Variants in GRM7 observed in about 807,000 individuals in gnomAD.
GRM7 encodes glutamate metabotropic receptor 7, also known as metabotropic glutamate receptor 7.
In GRM7, 35 loss-of-function variants were observed where a neutral mutation model predicts 84.5. The ratio of observed to expected loss-of-function variants is 0.41; its 90% CI spans 0.32 to 0.55. The LOEUF (loss-of-function observed/expected upper bound fraction) is 0.55. Ranked by LOEUF, GRM7 falls within the 20% of genes least tolerant of loss-of-function variation. The pLI is 0.19. For synonymous variants in GRM7, 487 were observed against 455.1 expected, an observed-to-expected ratio of 1.07 and a Z score of -0.89; for missense variants, 1,003 against 1,194.6, an observed-to-expected ratio of 0.84 and a Z score of 2.36.
chr3:7,533,678 T>C (rs1266764020), intron 7 of GRM7, among the ~76,000 whole-genome samples: 2 of 152,180 alleles, frequency 1.3e-5, no homozygotes, highest in Non-Finnish European at 2.9e-5. Context: ...ATTTACTGAA[T>C]GTCTGTTTAG....
chr3:7,409,588 GT>G (rs1695830648), intron 4 of GRM7, among the ~76,000 whole-genome samples: 2 of 72,610 alleles, frequency 2.8e-5, no homozygotes, highest in South Asian at 3.1e-4. Flanking sequence ...GTTTTGTTTT[GT>G]TTTGTTTTGT....
intron 2 of GRM7, among the ~76,000 whole-genome samples, chr3:7,292,423 T>C (rs1052230695): frequency 3.3e-5 from 5 of 152,180 alleles, no homozygotes; most frequent in African/African-American, 1.2e-4. Flanking sequence ...TATTGAAAGA[T>C]GAAAACCTCA....
chr3:7,282,339 T>A (rs1699281741), intron 2 of GRM7, among the ~76,000 whole-genome samples: 1 of 152,160 alleles, frequency 6.6e-6, no homozygotes, highest in South Asian at 2.1e-4. Context: ...TCGAAACTCT[T>A]GAGAATTATT....
chr3:7,267,173 A>G (rs956858825), intron 2 of GRM7, among the ~76,000 whole-genome samples: 4 of 152,232 alleles, frequency 2.6e-5, no homozygotes, highest in Admixed American at 6.5e-5. Context: ...ATCGAAGTTC[A>G]CTGATTGATA....
chr3:6,885,229 C>T (rs1365831356), intron 1 of GRM7, among the ~76,000 whole-genome samples: 1 of 152,190 alleles, frequency 6.6e-6, no homozygotes, highest in Non-Finnish European at 1.5e-5. Context: ...CAGTAGCCTA[C>T]AGCAGCCGCA....
intron 2 of GRM7, among the ~76,000 whole-genome samples, chr3:7,234,572 A>G (rs1697290770): frequency 6.6e-6 from 1 of 152,218 alleles, no homozygotes; most frequent in South Asian, 2.1e-4. Context: ...TAGCACATGT[A>G]TCATCTGTCT....
intron 1 of GRM7, among the ~76,000 whole-genome samples, chr3:7,002,909 A>T (rs1453148446): frequency 6.6e-6 from 1 of 152,206 alleles, no homozygotes. Flanking sequence ...TACAGCCTTA[A>T]AAAAGAAGAA....
Position 7,268,993 on chromosome 3 carries a change from ATG to A in GRM7, c.737-29687_737-29686del, listed in dbSNP as rs1158033977. 2.6e-5 allele frequency among the ~76,000 whole-genome samples: 4 copies of A among 152,076 alleles called. No individual in the cohort carries two copies. The East Asian group carries it at 7.7e-4, about 29-fold the overall frequency. On this transcript the variant is annotated intron_variant, in intron 2 of 9. Coordinates refer to ENST00000357716, the MANE Select transcript of GRM7 (RefSeq NM_000844.4). ...GTCAGTAGACCCTCCATCAGACAGA[ATG>A]TGTTTGCATGTCTTTAGACAAGAAT...
intron 1 of GRM7, among the ~76,000 whole-genome samples, chr3:7,093,690 AAAAAAAAAAAAAAAAAAAAAAAAAG>A (rs901728361): frequency 3.9e-5 from 4 of 103,082 alleles, no homozygotes; most frequent in African/African-American, 7.7e-5. Flanking sequence ...AAAAAAAAAA[AAAAAAAAAAAAAAAAAAAAAAAAAG>A]GTAGTTAGTG....
chr3:6,869,687 G>A lies in GRM7; in HGVS notation c.519+7780G>A, dbSNP rs572941490. Among the ~76,000 whole-genome samples, 10 of 152,166 alleles carry A rather than the reference G, an allele frequency of 6.6e-5. 1 individual carries two copies. The East Asian group carries it at 1.9e-3, about 29-fold the overall frequency. On this transcript the variant is annotated intron_variant, in intron 1 of 9. Coordinates refer to ENST00000357716, the MANE Select transcript of GRM7 (RefSeq NM_000844.4). ...AGAGTGAGAGATAACACACACACACGTGCACAGAGAGAACATTTTAGTGAC... is the reference window on the plus strand; with the variant it reads ...AGAGTGAGAGATAACACACACACACATGCACAGAGAGAACATTTTAGTGAC...
chr3:6,882,523 A>G (rs1695548689), intron 1 of GRM7, among the ~76,000 whole-genome samples: 1 of 152,072 alleles, frequency 6.6e-6, no homozygotes. Context: ...CCCGGCCTGG[A>G]CAACACAGCA....
intron 7 of GRM7, among the ~76,000 whole-genome samples, chr3:7,571,110 C>T (rs991192370): frequency 2.6e-5 from 4 of 152,146 alleles, no homozygotes; most frequent in Non-Finnish European, 4.4e-5. Context: ...CCACTTTTTC[C>T]ACCTAGGCCT....
chr3:6,900,634 C>G (rs1172170098), intron 1 of GRM7, among the ~76,000 whole-genome samples: 1 of 152,100 alleles, frequency 6.6e-6, no homozygotes, highest in Non-Finnish European at 1.5e-5. Flanking sequence ...AAAGAGAAGT[C>G]TACTATTGAT....
intron 8 of GRM7, among the ~76,000 whole-genome samples, chr3:7,646,128 C>T (rs895433081): frequency 2.6e-5 from 4 of 152,190 alleles, no homozygotes; most frequent in East Asian, 3.9e-4. Flanking sequence ...ATGGCGGTCA[C>T]GCCGGTTTTT....
intron 1 of GRM7, among the ~76,000 whole-genome samples, chr3:6,988,473 C>A (rs970630038): frequency 1.1e-4 from 17 of 152,116 alleles, no homozygotes; most frequent in African/African-American, 4.1e-4. Flanking sequence ...AATGCATTTG[C>A]TTTTCTACTG....
chr3:7,007,051 C>T (rs1160582061), intron 1 of GRM7, among the ~76,000 whole-genome samples: 2 of 152,166 alleles, frequency 1.3e-5, no homozygotes, highest in Non-Finnish European at 2.9e-5. Flanking sequence ...TCTGGATAGG[C>T]TGAATATATT....
At chr3:7,479,039 C>G (rs934773213) in intron 7 of GRM7, among the ~76,000 whole-genome samples, 15 of 151,972 alleles carry the variant, frequency 9.9e-5, no homozygotes, top group African/African-American at 3.4e-4. Context: ...GTCTCTGGAC[C>G]TCAGTGTACC....
chr3:6,866,084 T>C (rs1269159396), intron 1 of GRM7, among the ~76,000 whole-genome samples: 1 of 152,222 alleles, frequency 6.6e-6, no homozygotes, highest in Non-Finnish European at 1.5e-5. Context: ...TACATACCCA[T>C]GCAATTAAGA....
chr3:7,046,356 T>G (rs1696808408), intron 1 of GRM7, among the ~76,000 whole-genome samples: 1 of 152,132 alleles, frequency 6.6e-6, no homozygotes, highest in African/African-American at 2.4e-5. Context: ...GAGCTAGACT[T>G]GTGCCAAAGT....
Sources: allele counts gnomAD v4.1 joint callset (sites outside exome capture counted in the v4.1 genomes callset), GRCh38; gene constraint gnomAD v4.1.1; transcripts MANE v1.5; gene names NCBI Gene and HGNC (gene_info 2026-07-23, HGNC 2026-07-21).